GALNT13: variants seen among roughly 807,000 people sequenced by gnomAD.
The protein encoded by GALNT13 is UDP-GalNAc:polypeptide N-acetylgalactosaminyltransferase 13.
Under a neutral mutation model 64.2 loss-of-function variants are expected in GALNT13, and 28 were observed. That is an observed-to-expected ratio of 0.44 (90% confidence interval 0.32 to 0.60). GALNT13 has a LOEUF of 0.60. GALNT13 is among the 20% of genes least tolerant of loss of function. The pLI is 0.05. For missense variants in GALNT13, 577 were observed against 669.8 expected (o/e 0.86, Z 1.53); for synonymous variants, 214 against 224.6 (o/e 0.95, Z 0.42).
chr2:154,319,060 T>G (rs1430090478), intron 9 of GALNT13, among the ~76,000 whole-genome samples: 1 of 152,118 alleles, frequency 6.6e-6, no homozygotes, highest in African/African-American at 2.4e-5. Flanking sequence ...TTTGTTTACT[T>G]AAGTGCAAGT....
the GALNT13 span, among the ~76,000 whole-genome samples, chr2:153,255,064 C>T: frequency 2.2e-4 from 33 of 152,004 alleles, no homozygotes; most frequent in Non-Finnish European, 2.8e-4. Flanking sequence ...ATGTTGACAG[C>T]GGGGTGTGAA....
chr2:153,765,556 G>A, the GALNT13 span, among the ~76,000 whole-genome samples: 2 of 152,144 alleles, frequency 1.3e-5, no homozygotes, highest in African/African-American at 4.8e-5. Context: ...TAGGCAGAAG[G>A]GACTTGCCTT....
the GALNT13 span, among the ~76,000 whole-genome samples, chr2:153,727,302 C>T: frequency 6.6e-6 from 1 of 152,056 alleles, no homozygotes; most frequent in Non-Finnish European, 1.5e-5. Context: ...GAGATTTGTC[C>T]ACATTTTTGT....
the GALNT13 span, among the ~76,000 whole-genome samples, chr2:153,685,850 G>T: frequency 2.0e-5 from 3 of 151,324 alleles, no homozygotes; most frequent in South Asian, 4.2e-4. Flanking sequence ...GAAGGGGACC[G>T]GTTTCAATTT....
chr2:154,261,682 TC>T (rs1401493901), intron 8 of GALNT13, among the ~76,000 whole-genome samples: 1 of 152,186 alleles, frequency 6.6e-6, no homozygotes, highest in Non-Finnish European at 1.5e-5. Context: ...GCATGATGCT[TC>T]TTTGCTCTCA....
intron 4 of GALNT13, among the ~76,000 whole-genome samples, chr2:154,179,959 G>A (rs1685865500): frequency 6.6e-6 from 1 of 152,080 alleles, no homozygotes; most frequent in Admixed American, 6.6e-5. Context: ...CTCTATAGCT[G>A]ACTTAGAGTG....
At chr2:153,086,075 T>C in the GALNT13 span, among the ~76,000 whole-genome samples, 1 of 152,172 alleles carries the variant, frequency 6.6e-6, no homozygotes, top group Non-Finnish European at 1.5e-5. Context: ...TTTCATGGGG[T>C]CTGTAGCCCC....
chr2:153,720,974 C>A, the GALNT13 span, among the ~76,000 whole-genome samples: 1 of 152,094 alleles, frequency 6.6e-6, no homozygotes, highest in Non-Finnish European at 1.5e-5. Context: ...CACAAAGATA[C>A]TCCTTGAGAA....
At chr2:153,495,954 C>A in the GALNT13 span, among the ~76,000 whole-genome samples, 1 of 152,134 alleles carries the variant, frequency 6.6e-6, no homozygotes, top group South Asian at 2.1e-4. Flanking sequence ...TCTTCTTGGG[C>A]TTGTTAGTGT....
At chr2:153,699,214 T>C in the GALNT13 span, among the ~76,000 whole-genome samples, 23 of 151,996 alleles carry the variant, frequency 1.5e-4, no homozygotes, top group Middle Eastern at 0.01. Flanking sequence ...TACATGGAAA[T>C]TCAACAATCT....
intron 4 of GALNT13, among the ~76,000 whole-genome samples, chr2:154,153,292 G>A (rs1157506816): frequency 2.0e-5 from 3 of 151,992 alleles, no homozygotes; most frequent in Admixed American, 1.3e-4. Flanking sequence ...TCCTCTGGAA[G>A]TGTCTCAGAG....
the GALNT13 span, among the ~76,000 whole-genome samples, chr2:153,612,155 G>T: frequency 6.6e-6 from 1 of 152,098 alleles, no homozygotes; most frequent in Non-Finnish European, 1.5e-5. Context: ...TTTCGCGCCA[G>T]TTAGAATGGT....
chr2:153,786,619 C>T, the GALNT13 span, among the ~76,000 whole-genome samples: 1 of 151,852 alleles, frequency 6.6e-6, no homozygotes. Context: ...CCTGGTGAGC[C>T]TTTGACCCCC....
chr2:153,345,314 A>G, the GALNT13 span, among the ~76,000 whole-genome samples: 1 of 152,174 alleles, frequency 6.6e-6, no homozygotes, highest in African/African-American at 2.4e-5. Context: ...CCTGTAGAGT[A>G]TCCTTAAGGG....
At chr2:153,254,125 G>A in the GALNT13 span, among the ~76,000 whole-genome samples, 1 of 152,190 alleles carries the variant, frequency 6.6e-6, no homozygotes, top group African/African-American at 2.4e-5. Context: ...GTAAGCTATT[G>A]ATTATTGCCA....
chr2:154,099,007 A>G (rs1347435901), intron 3 of GALNT13, among the ~76,000 whole-genome samples: 1 of 152,036 alleles, frequency 6.6e-6, no homozygotes, highest in Non-Finnish European at 1.5e-5. Context: ...GCCGTTTCCC[A>G]TAGAGGTTAT....
chr2:153,222,307 TGGGGGGG>T, the GALNT13 span, among the ~76,000 whole-genome samples: 27 of 6,306 alleles, frequency 4.3e-3, no homozygotes, highest in African/African-American at 0.017. Flanking sequence ...TGAGTCTGGC[TGGGGGGG>T]GGGGGGGGGG....
chr2:154,004,215 TG>T (rs1696102614), intron 3 of GALNT13, among the ~76,000 whole-genome samples: 1 of 142,436 alleles, frequency 7.0e-6, no homozygotes, highest in Non-Finnish European at 1.5e-5. Flanking sequence ...AATTTTTTTT[TG>T]TTTTTTTTGA....
chr2:154,354,623 T>TC (rs1696621454), intron 9 of GALNT13, among the ~76,000 whole-genome samples: 14 of 152,068 alleles, frequency 9.2e-5, no homozygotes, highest in Non-Finnish European at 2.1e-4. Flanking sequence ...CTCACTTTTT[T>TC]TTTTTTTGAA....
Sources: gnomAD v4.1 joint callset for allele counts (sites outside exome capture counted in the v4.1 genomes callset) on GRCh38, gnomAD v4.1.1 for gene constraint, MANE v1.5 for transcripts, NCBI Gene and HGNC (gene_info 2026-07-23, HGNC 2026-07-21) for gene names.